The following FAM200B variants were observed in gnomAD, a reference collection of about 807,000 sequenced individuals.
FAM200B encodes the protein zinc finger BED-type containing 11.
A neutral mutation model predicts 33.1 loss-of-function variants in FAM200B; 32 were observed. That is an observed-to-expected ratio of 0.97 (90% CI 0.73 to 1.30). The LOEUF is 1.30. Ranked by LOEUF, FAM200B falls within the 50% of genes most tolerant of loss-of-function variation. The pLI, the probability that FAM200B is intolerant of heterozygous loss-of-function variation, is 0.00. For missense variants in FAM200B, 741 were observed against 754.0 expected (o/e 0.98, Z 0.20); for synonymous variants, 240 against 264.8 (o/e 0.91, Z 0.91).
In FAM200B at chr4:15,688,245, A is replaced by G. The variant is rs1293189221; in HGVS notation, c.1268A>G (p.Asp423Gly). 2.6e-6 allele frequency: 4 copies of G among 1,549,720 alleles called. No homozygotes were observed. The highest frequency in any genetic ancestry group is 3.5e-6 in the Non-Finnish European group (4 of 1,145,556). Residue 423 changes from aspartate to glycine, a missense_variant, in exon 2 of 2, where the codon GAT (aspartate) becomes GGT (glycine). Asp to Gly is a moderately conservative substitution (Grantham distance 94). Coordinates refer to ENST00000422728, the MANE Select transcript of FAM200B (RefSeq NM_001145191.2). ...KSHLASIFED[D>G]TWVTKLAYLT... is the part of the protein sequence containing the mutation. ...CATTTGGCAAGTATTTTTGAAGATG[A>G]TACTTGGGTAACAAAATTGGCATAT...
the FAM200B span, among the ~76,000 whole-genome samples, chr4:15,637,855 G>A: frequency 6.7e-6 from 1 of 149,484 alleles, no homozygotes; most frequent in Non-Finnish European, 1.5e-5. Context: ...TAATCTTGAA[G>A]AAGCAAAGCT....
At chr4:15,671,772 A>T in the FAM200B span, among the ~76,000 whole-genome samples, 94,337 of 151,988 alleles carry the variant, frequency 0.62, 29,531 homozygotes, top group Non-Finnish European at 0.66. Context: ...GACTTTGATT[A>T]GTTTCTATTG....
chr4:15,641,109 T>C, the FAM200B span, among the ~76,000 whole-genome samples: 1 of 152,120 alleles, frequency 6.6e-6, no homozygotes, highest in Non-Finnish European at 1.5e-5. Flanking sequence ...ATAAAAAGTC[T>C]AAAAATAGCA....
chr4:15,660,225 G>A, the FAM200B span, among the ~76,000 whole-genome samples: 2 of 152,010 alleles, frequency 1.3e-5, no homozygotes, highest in South Asian at 2.1e-4. Flanking sequence ...CTACAGGCCC[G>A]TGCCACCACA....
the FAM200B span, among the ~76,000 whole-genome samples, chr4:15,662,704 G>T: frequency 1.4e-3 from 209 of 152,236 alleles, no homozygotes; most frequent in Middle Eastern, 6.8e-3. Flanking sequence ...AGTTAAAATT[G>T]AATCAATCCA....
At chr4:15,650,186 G>A in the FAM200B span, among the ~76,000 whole-genome samples, 1 of 152,090 alleles carries the variant, frequency 6.6e-6, no homozygotes, top group Admixed American at 6.6e-5. Context: ...ATCCTACAAC[G>A]CACAGGACAG....
the FAM200B span, among the ~76,000 whole-genome samples, chr4:15,664,565 T>G: frequency 6.9e-6 from 1 of 145,034 alleles, no homozygotes; most frequent in African/African-American, 2.6e-5. Flanking sequence ...TTTTTTTTTT[T>G]TTTTTTTTTG....
Position 15,688,972 on chromosome 4 carries a change from C to A in FAM200B, c.*21C>A. 2 of 1,386,254 alleles carry A rather than the reference C, an allele frequency of 1.4e-6. No homozygotes were observed. The highest frequency in any genetic ancestry group is 1.9e-6 in the Non-Finnish European group (2 of 1,061,740). 85.9% of individuals were successfully genotyped at this position (1,386,254 alleles called of 1,614,324 possible). A position where few individuals can be genotyped will look rare whatever the true frequency, so the allele number is the denominator to read the frequency against. ...CATAGTAAATAAAAATCTTACCTAG[C>A]TTTTGTCTTTGTATTTCTTATTTTG... On this transcript the variant is annotated 3_prime_UTR_variant, in exon 2 of 2. Coordinates refer to ENST00000422728, the MANE Select transcript of FAM200B (RefSeq NM_001145191.2).
chr4:15,677,294 G>C (rs1392763292), upstream of FAM200B, among the ~76,000 whole-genome samples: 1 of 152,050 alleles, frequency 6.6e-6, no homozygotes, highest in Non-Finnish European at 1.5e-5. Flanking sequence ...CTTTGTCCTT[G>C]GTTCCTGGAA....
At chr4:15,671,268 C>G in the FAM200B span, among the ~76,000 whole-genome samples, 1 of 151,986 alleles carries the variant, frequency 6.6e-6, no homozygotes, top group Non-Finnish European at 1.5e-5. Flanking sequence ...CTGTTTGGTA[C>G]TTGAAATATG....
upstream of FAM200B, among the ~76,000 whole-genome samples, chr4:15,678,819 C>T (rs1718088858): frequency 6.6e-6 from 1 of 152,006 alleles, no homozygotes; most frequent in Non-Finnish European, 1.5e-5. Context: ...CATTATCTTC[C>T]TTCTGTTTGG....
chr4:15,646,149 AAAG>A, the FAM200B span, among the ~76,000 whole-genome samples: 6 of 152,384 alleles, frequency 3.9e-5, 1 homozygote, highest in Middle Eastern at 0.01. Flanking sequence ...TTGTAGCACA[AAAG>A]TAGTCATAGA....
At chr4:15,663,220 A>T in the FAM200B span, among the ~76,000 whole-genome samples, 1 of 152,222 alleles carries the variant, frequency 6.6e-6, no homozygotes, top group Non-Finnish European at 1.5e-5. Flanking sequence ...AATATTATAC[A>T]TTGATAATAG....
Position 15,687,805 on chromosome 4 carries a change from A to C in FAM200B, c.828A>C (p.Leu276Phe). 6.4e-7 allele frequency: 1 copy of C among 1,551,062 alleles called. No individual in the cohort carries two copies. The stretch of plus-strand genomic sequence containing the variant: ...GTGGATTAGATATTTTTACAGAATT[A>C]GAAAGGCGCATAGTTGGCCAATATA... ...HLSGLDIFTE[L>F]ERRIVGQYKL... The change falls in exon 2 of 2, where the codon TTA becomes TTC. Residue 276 changes from leucine (L) to phenylalanine (F), a missense_variant. By Grantham distance (22) the Leu-to-Phe change is conservative. Transcript: ENST00000422728.
chr4:15,690,139 A>G lies in FAM200B; in HGVS notation c.*1188A>G, dbSNP rs1235923994. On this transcript the variant is annotated 3_prime_UTR_variant, in exon 2 of 2. Coordinates refer to ENST00000422728, the MANE Select transcript of FAM200B (RefSeq NM_001145191.2). ...TTACTTTTAAAAATCTAATTTTGAC[A>G]TAACTGCTGTAACCATCCAGAAACG... The G allele has an allele frequency of 1.2e-5, 2 of 167,156 alleles. No homozygotes were observed. Among genetic ancestry groups the G allele is most frequent in the Non-Finnish European group, 2.9e-5 (2 of 68,128 alleles). The allele number at this position is 167,156 out of a possible 1,614,324, so 10.4% of individuals were successfully genotyped here. A position where few individuals can be genotyped will look rare whatever the true frequency, so the allele number is the denominator to read the frequency against.
At chr4:15,647,757 G>A in the FAM200B span, among the ~76,000 whole-genome samples, 2 of 152,204 alleles carry the variant, frequency 1.3e-5, no homozygotes, top group East Asian at 1.9e-4. Flanking sequence ...GATTGCCTAG[G>A]TGTAAATCCA....
Position 15,686,901 on chromosome 4 carries a change from CT to C in FAM200B, c.-76del. 1.4e-6 allele frequency: 1 copy of C among 711,286 alleles called. No homozygotes were observed. The highest frequency in any genetic ancestry group is 2.9e-5 in the South Asian group (1 of 34,232). The allele number at this position is 711,286 out of a possible 1,614,324, so 44.1% of individuals were successfully genotyped here. Reference sequence around the variant, plus strand: ...AGTTTTTGAAAAGATGTTATTTAGACTGTATATTTTTTTCTTCTTTTTTGAG... The same window carrying C: ...AGTTTTTGAAAAGATGTTATTTAGACGTATATTTTTTTCTTCTTTTTTGAG... On this transcript the variant is annotated 5_prime_UTR_variant, in exon 2 of 2. An upstream open reading frame in the 5' UTR gains an earlier in-frame stop. Coordinates refer to ENST00000422728, the MANE Select transcript of FAM200B (RefSeq NM_001145191.2).
chr4:15,662,050 A>G, the FAM200B span, among the ~76,000 whole-genome samples: 1 of 152,202 alleles, frequency 6.6e-6, no homozygotes, highest in Non-Finnish European at 1.5e-5. Context: ...AACCCAAAAT[A>G]AGTCAGTCTT....
intron 1 of FAM200B, among the ~76,000 whole-genome samples, chr4:15,685,915 G>A (rs558713151): frequency 7.2e-5 from 11 of 152,200 alleles, no homozygotes; most frequent in Admixed American, 3.3e-4. Flanking sequence ...AGATAGGTGC[G>A]GCCAAGCAAA....
Sources: gnomAD v4.1 joint callset for allele counts (sites outside exome capture counted in the v4.1 genomes callset) on GRCh38, gnomAD v4.1.1 for gene constraint, MANE v1.5 for transcripts, NCBI Gene and HGNC (gene_info 2026-07-23, HGNC 2026-07-21) for gene names.